NAA60: variants seen among roughly 807,000 people sequenced by gnomAD.
The protein encoded by NAA60 is N-alpha-acetyltransferase 60.
A neutral mutation model predicts 26.1 loss-of-function variants in NAA60; 8 were observed. The observed-to-expected ratio is 0.31, with a 90% CI of 0.18 to 0.55. The LOEUF is 0.55. NAA60 is among the 20% of genes least tolerant of loss of function. The probability of loss-of-function intolerance (pLI) is 0.93; values close to 1 mark genes in which losing one functional copy is unlikely to be tolerated. For missense variants in NAA60, 290 were observed against 311.3 expected, an observed-to-expected ratio of 0.93 and a Z score of 0.51; for synonymous variants, 131 against 122.5, an observed-to-expected ratio of 1.07 and a Z score of -0.46.
chr16:3,473,186 A>G (rs1267019897), intron 2 of NAA60, among the ~76,000 whole-genome samples: 1 of 151,908 alleles, frequency 6.6e-6, no homozygotes, highest in African/African-American at 2.4e-5. Flanking sequence ...CAGGCACACC[A>G]CCACGCCTGG....
chr16:3,464,137 G>A (rs112255095), intron 2 of NAA60, among the ~76,000 whole-genome samples: 1,883 of 152,168 alleles, frequency 0.012, 37 homozygotes, highest in African/African-American at 0.043. Flanking sequence ...GGGTTCAAAC[G>A]ATTCTCCTGC....
chr16:3,470,418 A>G (rs951868437), intron 2 of NAA60, among the ~76,000 whole-genome samples: 5 of 152,170 alleles, frequency 3.3e-5, no homozygotes, highest in African/African-American at 1.2e-4. Context: ...ATTCTCGCAG[A>G]TGTTCAGGCC....
chr16:3,459,302 G>A (rs1305839500), intron 2 of NAA60, among the ~76,000 whole-genome samples: 1 of 152,190 alleles, frequency 6.6e-6, no homozygotes, highest in African/African-American at 2.4e-5. Flanking sequence ...ATGTAGCACT[G>A]TGATGTAGAA....
chr16:3,467,819 C>A (rs77459543), intron 2 of NAA60: 1 of 152,190 alleles, frequency 6.6e-6, no homozygotes, highest in African/African-American at 2.4e-5. Context: ...CAGTTGTTAC[C>A]GATGGAGGGT....
intron 1 of NAA60, among the ~76,000 whole-genome samples, chr16:3,447,104 G>A (rs2034587293): frequency 6.6e-6 from 1 of 152,190 alleles, no homozygotes; most frequent in Non-Finnish European, 1.5e-5. Context: ...GCCTCCCAAA[G>A]TGCTGGGATT....
chr16:3,482,281 G>A (rs970292895), intron 4 of NAA60, among the ~76,000 whole-genome samples: 6 of 152,210 alleles, frequency 3.9e-5, no homozygotes, highest in African/African-American at 1.4e-4. Context: ...CTCCTTTTGT[G>A]TGTGTTCTTC....
chr16:3,454,276 T>C (rs563471325), intron 2 of NAA60, among the ~76,000 whole-genome samples: 19 of 152,312 alleles, frequency 1.2e-4, no homozygotes, highest in Admixed American at 1.2e-3. Flanking sequence ...CAGCTTGGTA[T>C]GTCGCTACAC....
intron 2 of NAA60, among the ~76,000 whole-genome samples, chr16:3,473,711 T>C (rs1214705581): frequency 8.6e-5 from 5 of 58,090 alleles, no homozygotes; most frequent in African/African-American, 6.3e-4. Context: ...CAGCTTTTTG[T>C]TGTTGTTGTT....
chr16:3,470,696 T>C (rs1414403029), intron 2 of NAA60, among the ~76,000 whole-genome samples: 1 of 152,214 alleles, frequency 6.6e-6, no homozygotes, highest in Non-Finnish European at 1.5e-5. Context: ...GCCCTGCCTT[T>C]GGATCATCTC....
chr16:3,448,403 A>G, intron 1 of NAA60, 68 bp from the exon 2 acceptor site: 3 of 1,290,968 alleles, frequency 2.3e-6, no homozygotes, highest in South Asian at 2.6e-5. Flanking sequence ...GACACTCATT[A>G]GCCTATGAGT....
chr16:3,455,312 C>G (rs1316336077), intron 2 of NAA60, among the ~76,000 whole-genome samples: 1 of 152,000 alleles, frequency 6.6e-6, no homozygotes, highest in Non-Finnish European at 1.5e-5. Flanking sequence ...CTCAAGTGAT[C>G]CACCCGCGTC....
Position 3,485,675 on chromosome 16 carries a change from G to C in NAA60, c.*415G>C, listed in dbSNP as rs761057815. The C allele has an allele frequency of 2.2e-6, 1 of 456,644 alleles. No individual in the cohort carries two copies. Among genetic ancestry groups the C allele is most frequent in the Non-Finnish European group, 4.4e-6 (1 of 226,940 alleles). 28.3% of individuals were successfully genotyped at this position (456,644 alleles called of 1,614,324 possible). ...GGACTTTCTCCTGCAAGGGAGGAAC[G>C]CAAGTATTATGGACACACTTGACCG... On this transcript the variant is annotated 3_prime_UTR_variant, in exon 8 of 8. Coordinates refer to ENST00000407558, the MANE Select transcript of NAA60 (RefSeq NM_001083601.3).
intron 2 of NAA60, among the ~76,000 whole-genome samples, chr16:3,456,442 C>CTTTT (rs577299558): frequency 3.4e-5 from 5 of 147,690 alleles, no homozygotes; most frequent in African/African-American, 9.9e-5. Flanking sequence ...GAGCAATTTC[C>CTTTT]TTTTTTTTTT....
chr16:3,462,012 A>G (rs925077238), intron 2 of NAA60, among the ~76,000 whole-genome samples: 4 of 143,842 alleles, frequency 2.8e-5, no homozygotes, highest in Non-Finnish European at 6.0e-5. Context: ...GCTTGAGCCC[A>G]GGAGGTGGAG....
At chr16:3,458,108 C>T (rs1025080112) in intron 2 of NAA60, 5 of 985,202 alleles carry the variant, frequency 5.1e-6, no homozygotes, top group Non-Finnish European at 6.0e-6. Flanking sequence ...CGCGGTCCCA[C>T]TTCCCGGCTC....
intron 2 of NAA60, among the ~76,000 whole-genome samples, chr16:3,472,536 A>C (rs1282763722): frequency 6.6e-6 from 1 of 152,060 alleles, no homozygotes; most frequent in African/African-American, 2.4e-5. Flanking sequence ...AAGTTCAAGC[A>C]ATTCTGTTGC....
chr16:3,484,834 C>A lies in NAA60; in HGVS notation c.708C>A (p.Ile236=), dbSNP rs558478803. 2.6e-6 allele frequency: 4 copies of A among 1,564,662 alleles called. No homozygotes were observed. The highest frequency in any genetic ancestry group is 1.4e-5 in the African/African-American group (1 of 73,634). Residue 236 remains isoleucine (I), a synonymous_variant, in exon 7 of 8, where the codon ATC becomes ATA. Transcript: ENST00000407558. ...CGGGCATCTCTTCCAAGAGTGGCAT[C>A]GAGTACAGCCGGACCATGTGATGTC... ...PWSGISSKSG[I]EYSRTM is the part of the protein sequence containing the mutation.
intron 3 of NAA60, among the ~76,000 whole-genome samples, chr16:3,477,962 G>A (rs1385803849): frequency 1.3e-5 from 2 of 152,184 alleles, no homozygotes; most frequent in East Asian, 1.9e-4. Flanking sequence ...CTACTCGGGA[G>A]GCTGAGGCAG....
At chr16:3,480,453 C>T (rs759856921) in intron 4 of NAA60, among the ~76,000 whole-genome samples, 3 of 149,770 alleles carry the variant, frequency 2.0e-5, no homozygotes, top group Non-Finnish European at 3.0e-5. Context: ...AAAAATTAGC[C>T]GGGCGTGGTG....
Sources: gnomAD v4.1 joint callset for allele counts (sites outside exome capture counted in the v4.1 genomes callset) on GRCh38, gnomAD v4.1.1 for gene constraint, MANE v1.5 for transcripts, NCBI Gene and HGNC (gene_info 2026-07-23, HGNC 2026-07-21) for gene names.